PDXDC1: variants seen among roughly 807,000 people sequenced by gnomAD.
The protein encoded by PDXDC1 is pyridoxal dependent decarboxylase domain containing 1, also known as pyridoxal-dependent decarboxylase domain-containing protein 1.
In PDXDC1, 42 loss-of-function variants were observed where a neutral mutation model predicts 100.1. That is an observed-to-expected ratio of 0.42 (90% CI 0.33 to 0.54). The LOEUF (loss-of-function observed/expected upper bound fraction) is 0.54, where lower values mean the gene tolerates loss of function less well. PDXDC1 is among the 20% of genes least tolerant of loss of function. The probability of loss-of-function intolerance (pLI) is 0.10; values close to 1 mark genes in which losing one functional copy is unlikely to be tolerated. For missense variants in PDXDC1, 636 were observed against 979.2 expected (o/e 0.65, Z 4.68); for synonymous variants, 260 against 371.7 (o/e 0.70, Z 3.46).
At chr16:15,131,352 G>C (rs1221559421) in intron 16 of PDXDC1, 2 of 1,566,974 alleles carry the variant, frequency 1.3e-6, no homozygotes, top group South Asian at 1.1e-5. Context: ...TGTAGTTGCT[G>C]ATATAGCCAA....
chr16:15,088,225 C>G (rs1239070884), intron 16 of PDXDC1, among the ~76,000 whole-genome samples: 1 of 152,114 alleles, frequency 6.6e-6, no homozygotes, highest in Non-Finnish European at 1.5e-5. Context: ...GTAATCCCAG[C>G]ACTTTTGGGA....
At chr16:15,055,814 C>A in intron 16 of PDXDC1, 1 of 779,612 alleles carries the variant, frequency 1.3e-6, no homozygotes, top group South Asian at 6.4e-5. Flanking sequence ...AAGTCTGTGT[C>A]GCGTGAGGGG....
At chr16:15,007,733 T>C (rs1246864297) in intron 6 of PDXDC1, among the ~76,000 whole-genome samples, 3 of 152,274 alleles carry the variant, frequency 2.0e-5, no homozygotes, top group Non-Finnish European at 4.4e-5. Context: ...ATGGGGAGTT[T>C]AATAATAATC....
In PDXDC1 at chr16:15,135,380, G is replaced by A. The variant is rs868069329; in HGVS notation, c.1400-3499G>A. On this transcript the variant is annotated intron_variant, in intron 16 of 16. Transcript: ENST00000535621. ...CAGCCGTTCCCGTGGAATGGTGACC[G>A]TGCTGCTCCCGCGGGGCCCAAAGTT... 71 of 1,516,434 alleles carry A rather than the reference G, an allele frequency of 4.7e-5. No individual in the cohort carries two copies. In the Middle Eastern group the frequency reaches 1.2e-3, roughly 25 times the overall value. The allele number at this position is 1,516,434 out of a possible 1,614,324, so 93.9% of individuals were successfully genotyped here. A position where few individuals can be genotyped will look rare whatever the true frequency, so the allele number is the denominator to read the frequency against.
At chr16:15,141,522 C>G (rs1011276820), downstream of PDXDC1, among the ~76,000 whole-genome samples, 27 of 152,188 alleles carry the variant, frequency 1.8e-4, no homozygotes, top group Non-Finnish European at 3.7e-4. Flanking sequence ...GTGGGACACT[C>G]AGAGAGCCTA....
chr16:15,085,851 A>G (rs2045897564), intron 16 of PDXDC1, among the ~76,000 whole-genome samples: 1 of 152,210 alleles, frequency 6.6e-6, no homozygotes, highest in African/African-American at 2.4e-5. Flanking sequence ...TAAACGCACA[A>G]TCTGAAAAAA....
intron 8 of PDXDC1, among the ~76,000 whole-genome samples, chr16:15,013,920 A>C (rs1396136833): frequency 2.6e-5 from 4 of 151,502 alleles, no homozygotes; most frequent in Non-Finnish European, 5.9e-5. Flanking sequence ...AAAACTGCTT[A>C]TTTAGGCCGG....
chr16:15,038,554 C>A (rs777151448), downstream of PDXDC1: 2 of 1,332,714 alleles, frequency 1.5e-6, no homozygotes, highest in Admixed American at 1.7e-5. Context: ...TTAAGACTTA[C>A]CCAGCCTGTA....
intron 1 of PDXDC1, among the ~76,000 whole-genome samples, chr16:14,986,333 A>T (rs1183808086): frequency 1.3e-5 from 2 of 152,270 alleles, no homozygotes; most frequent in African/African-American, 4.8e-5. Context: ...GCTGGGCGTG[A>T]TGGCGGGCAC....
chr16:15,045,738 G>A (rs1304800561), intron 16 of PDXDC1: 3 of 152,340 alleles, frequency 2.0e-5, no homozygotes, highest in East Asian at 3.9e-4. Context: ...TAACTTTCTT[G>A]AACCCAGTGT....
In PDXDC1 at chr16:15,005,304, C is replaced by CAAAAAA. The variant is rs74858191; in HGVS notation, c.389+982_389+987dup. Among the ~76,000 whole-genome samples, 92 of 54,614 alleles carry CAAAAAA rather than the reference C, an allele frequency of 1.7e-3. 1 individual carries two copies. The highest frequency in any genetic ancestry group is 2.9e-3 in the East Asian group (4 of 1,366). The allele number at this position is 54,614 out of a possible 152,430, so 35.8% of individuals were successfully genotyped here. ...TGGGCGACAGAGTGAGACTCTGTCT[C>CAAAAAA]AAAAAAAAAAAAAAAAGAAAACTCT... is the stretch of plus-strand genomic sequence containing the variant. On this transcript the variant is annotated intron_variant, in intron 5 of 22. Coordinates refer to ENST00000396410, the MANE Select transcript of PDXDC1 (RefSeq NM_015027.4).
intron 16 of PDXDC1, among the ~76,000 whole-genome samples, chr16:15,114,896 A>T (rs2151880469): frequency 7.1e-6 from 1 of 141,186 alleles, no homozygotes; most frequent in East Asian, 2.1e-4. Context: ...CACTAACACT[A>T]ACAATAGCTG....
intron 1 of PDXDC1, among the ~76,000 whole-genome samples, chr16:14,993,798 G>A (rs1363744627): frequency 9.8e-5 from 15 of 152,416 alleles, no homozygotes; most frequent in African/African-American, 3.6e-4. Flanking sequence ...ATCCTCTCCA[G>A]CACCTGTTGT....
chr16:15,102,544 G>GAGGGAGGC (rs1244460850), intron 16 of PDXDC1, among the ~76,000 whole-genome samples: 70 of 151,472 alleles, frequency 4.6e-4, no homozygotes, highest in Non-Finnish European at 8.0e-4. Flanking sequence ...GAGACCCAGA[G>GAGGGAGGC]AGGGAGGCAG....
At chr16:15,143,116 C>T (rs1463217876), downstream of PDXDC1, among the ~76,000 whole-genome samples, 6 of 152,152 alleles carry the variant, frequency 3.9e-5, no homozygotes, top group Non-Finnish European at 7.4e-5. Context: ...GGTGCCCCAG[C>T]CCCGGGACAC....
chr16:15,135,761 C>A, intron 16 of PDXDC1: 1 of 1,597,414 alleles, frequency 6.3e-7, no homozygotes, highest in East Asian at 2.2e-5. Context: ...TGTGTCTGAC[C>A]ACACGCGGTA....
At chr16:15,047,501 A>C in intron 16 of PDXDC1, 1 of 1,614,110 alleles carries the variant, frequency 6.2e-7, no homozygotes, top group Non-Finnish European at 8.5e-7. Flanking sequence ...AGGGGACCTC[A>C]GCTTTGGTGT....
chr16:15,060,954 A>G (rs1439692042), intron 16 of PDXDC1: 1 of 152,236 alleles, frequency 6.6e-6, no homozygotes, highest in African/African-American at 2.4e-5. Context: ...ATCCAATCTC[A>G]TGTGTTTTAC....
chr16:15,104,225 A>T (rs1490840923), intron 16 of PDXDC1: 2 of 1,167,366 alleles, frequency 1.7e-6, no homozygotes, highest in African/African-American at 3.3e-5. Context: ...TCTAAAGATT[A>T]AAAAAACCCC....
Sources: gnomAD v4.1 joint callset for allele counts (sites outside exome capture counted in the v4.1 genomes callset) on GRCh38, gnomAD v4.1.1 for gene constraint, MANE v1.5 for transcripts, NCBI Gene and HGNC (gene_info 2026-07-23, HGNC 2026-07-21) for gene names.